The following RAP1GAP2 variants were observed in gnomAD, a reference collection of about 807,000 sequenced individuals.
RAP1GAP2 encodes RAP1 GTPase activating protein 2, also known as rap1 GTPase-activating protein 2.
Under a neutral mutation model 95.0 loss-of-function variants are expected in RAP1GAP2, and 27 were observed. The ratio of observed to expected loss-of-function variants is 0.28; its 90% CI spans 0.21 to 0.39. The LOEUF is 0.39. Among genes scored for constraint, RAP1GAP2 ranks in the 10% least tolerant of loss-of-function variants. RAP1GAP2 has a pLI of 1.00. For synonymous variants in RAP1GAP2, 373 were observed against 380.9 expected (o/e 0.98, Z 0.24); for missense variants, 771 against 970.0 (o/e 0.79, Z 2.72).
chr17:2,805,571 C>A (rs2069479789), intron 2 of RAP1GAP2, among the ~76,000 whole-genome samples: 1 of 151,948 alleles, frequency 6.6e-6, no homozygotes, highest in Non-Finnish European at 1.5e-5. Flanking sequence ...GGGGGTTTCA[C>A]CATGTTGGCC....
At chr17:2,854,241 C>A (rs2072028994) in intron 2 of RAP1GAP2, 1 of 789,656 alleles carries the variant, frequency 1.3e-6, no homozygotes, top group Non-Finnish European at 1.5e-6. Context: ...TCGTGCGAAC[C>A]GAGTTCGGAG....
intron 3 of RAP1GAP2, among the ~76,000 whole-genome samples, chr17:2,919,555 G>T (rs754859467): frequency 2.0e-5 from 3 of 152,164 alleles, no homozygotes; most frequent in Non-Finnish European, 2.9e-5. Context: ...CACGGGAAGT[G>T]GGGGCAGGGC....
chr17:2,832,704 C>T (rs1324609421), intron 2 of RAP1GAP2, among the ~76,000 whole-genome samples: 1 of 151,758 alleles, frequency 6.6e-6, no homozygotes, highest in Non-Finnish European at 1.5e-5. Flanking sequence ...TGGCCAGGTG[C>T]ATTGACTCAC....
chr17:2,913,319 G>T (rs566055575), intron 3 of RAP1GAP2, among the ~76,000 whole-genome samples: 1 of 151,282 alleles, frequency 6.6e-6, no homozygotes, highest in South Asian at 2.1e-4. Flanking sequence ...ATGGAATCTC[G>T]CTCTTGTCAC....
At chr17:2,876,721 TG>T (rs1446899627) in intron 2 of RAP1GAP2, among the ~76,000 whole-genome samples, 3 of 152,066 alleles carry the variant, frequency 2.0e-5, no homozygotes, top group African/African-American at 7.2e-5. Context: ...GCTGGTCAGC[TG>T]GGGCTGAATT....
upstream of RAP1GAP2, among the ~76,000 whole-genome samples, chr17:2,774,503 A>T (rs2068455717): frequency 9.4e-6 from 1 of 106,252 alleles, no homozygotes; most frequent in Admixed American, 1.2e-4. Context: ...TTTTTTTGAG[A>T]TGGAGTCTCG....
chr17:3,006,120 CTTTTTTTTTT>C, intron 16 of RAP1GAP2, 79 bp downstream of exon 16: 9 of 409,126 alleles, frequency 2.2e-5, no homozygotes, highest in East Asian at 1.7e-4. Context: ...GCTCCTCCAT[CTTTTTTTTTT>C]TTTTTTTTTT....
chr17:2,772,855 CTTTTTTTTTT>C (rs773565092), upstream of RAP1GAP2, among the ~76,000 whole-genome samples: 2 of 126,040 alleles, frequency 1.6e-5, no homozygotes, highest in African/African-American at 2.8e-5. Context: ...TTCTTTCTTT[CTTTTTTTTTT>C]TTTTTTTTTT....
chr17:2,963,108 G>A lies in RAP1GAP2; in HGVS notation c.247-322G>A. ...ACTTGGAGGTCAGTCCGCCTGCCTG[G>A]AAAGGGGTGCTGGGGGAGACTAGGG... On this transcript the variant is annotated intron_variant, in intron 5 of 24. Coordinates refer to ENST00000254695, the MANE Select transcript of RAP1GAP2 (RefSeq NM_015085.5). The surrounding 1 kb of genome is among the most constrained non-coding windows in gnomAD (Gnocchi z 4.8). The A allele has an allele frequency of 1.8e-6, 1 of 542,924 alleles. No homozygotes were observed. Among genetic ancestry groups the A allele is most frequent in the Non-Finnish European group, 3.3e-6 (1 of 305,038 alleles). 33.6% of individuals were successfully genotyped at this position (542,924 alleles called of 1,614,324 possible).
Position 2,963,996 on chromosome 17 carries a change from C to T in RAP1GAP2, c.420C>T (p.Ser140=), listed in dbSNP as rs955779620. The change falls in exon 7 of 25, where the codon AGC becomes AGT. Residue 140 remains serine, a synonymous_variant. Transcript: ENST00000254695. This position sits in a 1 kb window ranked among gnomAD's most constrained non-coding sequence, Gnocchi z 4.8. The stretch of plus-strand genomic sequence containing the variant: ...AGGAGGAGGAAGAGGACAACCTCAG[C>T]CCCAACACATTTGGCTACAAGCTCG... The part of the protein sequence containing the change: ...ICEEEEEDNL[S]PNTFGYKLEC... 3 of 1,612,684 alleles carry T rather than the reference C, an allele frequency of 1.9e-6. No homozygotes were observed. Among genetic ancestry groups the T allele is most frequent in the Non-Finnish European group, 2.5e-6 (3 of 1,179,698 alleles).
chr17:3,021,180 C>T (rs1473652190), intron 19 of RAP1GAP2, among the ~76,000 whole-genome samples: 1 of 152,120 alleles, frequency 6.6e-6, no homozygotes, highest in African/African-American at 2.4e-5. Context: ...GAGTTAGGAA[C>T]ATTCAAATTC....
chr17:2,974,185 CA>C (rs59861570), intron 8 of RAP1GAP2, among the ~76,000 whole-genome samples: 73 of 137,636 alleles, frequency 5.3e-4, no homozygotes, highest in South Asian at 7.0e-4. Flanking sequence ...ACTAAAAATA[CA>C]AAAAAAAAAA....
chr17:2,960,123 C>CA (rs71153316), intron 4 of RAP1GAP2, among the ~76,000 whole-genome samples: 8,806 of 80,762 alleles, frequency 0.11, 638 homozygotes, highest in East Asian at 0.26. Context: ...GACTCCATCT[C>CA]AAAAAAAAAA....
chr17:2,889,882 TATATA>T (rs1311002040), intron 2 of RAP1GAP2, among the ~76,000 whole-genome samples: 19 of 83,722 alleles, frequency 2.3e-4, no homozygotes, highest in African/African-American at 8.3e-4. Context: ...TATATATATA[TATATA>T]TATTTTTTTT....
chr17:2,859,955 G>A (rs567057208), intron 2 of RAP1GAP2, among the ~76,000 whole-genome samples: 9 of 149,684 alleles, frequency 6.0e-5, no homozygotes, highest in South Asian at 2.1e-4. Flanking sequence ...TGGCAAGATC[G>A]TGCCATTAGT....
chr17:2,998,125 T>C, intron 13 of RAP1GAP2, 96 bp from the exon 14 acceptor site: 1 of 1,359,720 alleles, frequency 7.4e-7, no homozygotes, highest in East Asian at 2.3e-5. Context: ...GAATTCAGTT[T>C]TCCTGTGTGC....
intron 16 of RAP1GAP2, among the ~76,000 whole-genome samples, chr17:3,006,372 C>A (rs1160466033): frequency 6.6e-6 from 1 of 151,124 alleles, no homozygotes; most frequent in Non-Finnish European, 1.5e-5. Context: ...TCAGGTGATC[C>A]GCCTGGCCCA....
At chr17:2,957,000 C>T (rs535130316) in intron 3 of RAP1GAP2, among the ~76,000 whole-genome samples, 15 of 151,900 alleles carry the variant, frequency 9.9e-5, no homozygotes, top group East Asian at 3.9e-4. Flanking sequence ...CGATGGCGGG[C>T]GCCTGTAGTT....
chr17:2,769,434 A>C (rs1340625268), intron 1 of RAP1GAP2, among the ~76,000 whole-genome samples: 56 of 151,214 alleles, frequency 3.7e-4, no homozygotes, highest in African/African-American at 1.3e-3. Context: ...GGGCGCCTGT[A>C]GTCCCAGCTA....
Sources: gnomAD v4.1 joint callset for allele counts (sites outside exome capture counted in the v4.1 genomes callset) on GRCh38, gnomAD v4.1.1 for gene constraint, Gnocchi (gnomAD v3.1) non-coding constraint, MANE v1.5 for transcripts, NCBI Gene and HGNC (gene_info 2026-07-23, HGNC 2026-07-21) for gene names.